The following PCDHA6 variants were observed in gnomAD, a reference collection of about 807,000 sequenced individuals.
The protein encoded by PCDHA6 is protocadherin alpha 6, also known as protocadherin alpha-6.
PCDHA6 carries 55 observed loss-of-function variants against 60.3 expected under a neutral mutation model. The ratio of observed to expected loss-of-function variants is 0.91; its 90% confidence interval spans 0.73 to 1.14. PCDHA6 has a LOEUF of 1.14. Among genes scored for constraint, PCDHA6 ranks in the 50% most tolerant of loss-of-function variants. The pLI, the probability that PCDHA6 is intolerant of heterozygous loss-of-function variation, is 0.00. For missense variants in PCDHA6, 1,327 were observed against 1,256.5 expected (o/e 1.06, Z -0.85); for synonymous variants, 652 against 557.9 (o/e 1.17, Z -2.38).
chr5:140,956,885 T>A (rs1156888418), intron 1 of PCDHA6, among the ~76,000 whole-genome samples: 1 of 152,194 alleles, frequency 6.6e-6, no homozygotes, highest in Non-Finnish European at 1.5e-5. Flanking sequence ...TAGATATCAA[T>A]GAATGAATAT....
intron 3 of PCDHA6, among the ~76,000 whole-genome samples, chr5:140,994,520 T>C (rs2097631658): frequency 6.8e-6 from 1 of 147,840 alleles, no homozygotes; most frequent in African/African-American, 2.6e-5. Context: ...CTGGGCAACA[T>C]GGCAAAACCC....
chr5:140,994,358 G>A (rs2097616894), intron 3 of PCDHA6, among the ~76,000 whole-genome samples: 1 of 152,162 alleles, frequency 6.6e-6, no homozygotes, highest in Admixed American at 6.5e-5. Flanking sequence ...GACCTCAGAA[G>A]ATGGAATTGG....
At chr5:140,833,313 C>T (rs1412799485) in intron 1 of PCDHA6, among the ~76,000 whole-genome samples, 1 of 152,176 alleles carries the variant, frequency 6.6e-6, no homozygotes, top group Non-Finnish European at 1.5e-5. Context: ...AATTATTTTA[C>T]ATGCCATTGG....
At chr5:141,001,872 CAAG>C (rs1329160545) in intron 3 of PCDHA6, among the ~76,000 whole-genome samples, 1 of 152,126 alleles carries the variant, frequency 6.6e-6, no homozygotes, top group African/African-American at 2.4e-5. Flanking sequence ...TGCCCAAAAC[CAAG>C]AAGGAGCAAA....
Position 140,828,815 on chromosome 5 carries a change from T to C in PCDHA6, c.724T>C (p.Phe242Leu), listed in dbSNP as rs2150159326. The C allele has an allele frequency of 6.2e-7, 1 of 1,614,204 alleles. No homozygotes were observed. Among genetic ancestry groups the C allele is most frequent in the South Asian group, 1.1e-5 (1 of 91,086 alleles). ...GGATGTGAATGATAATGCTCCCACT[T>C]TCGAACAGTCTGAATACGAAGTAAG... Reference protein sequence around the residue: ...VLDVNDNAPTFEQSEYEVRIF... With the variant: ...VLDVNDNAPTLEQSEYEVRIF... Residue 242 changes from phenylalanine (F) to leucine (L), a missense_variant, in exon 1 of 4, where the codon TTC (phenylalanine) becomes CTC (leucine). Transcript: ENST00000529310.
intron 3 of PCDHA6, among the ~76,000 whole-genome samples, chr5:141,000,961 C>A (rs1207814885): frequency 6.6e-6 from 1 of 151,948 alleles, no homozygotes; most frequent in Non-Finnish European, 1.5e-5. Flanking sequence ...GTAATTTAAG[C>A]CTTCATATTC....
intron 3 of PCDHA6, among the ~76,000 whole-genome samples, chr5:140,990,473 C>G (rs1268910696): frequency 6.6e-6 from 1 of 152,186 alleles, no homozygotes; most frequent in Non-Finnish European, 1.5e-5. Flanking sequence ...TATCATGTAT[C>G]AAGCTGAATA....
chr5:140,846,051 C>T lies in PCDHA6; in HGVS notation c.2394+15566C>T, dbSNP rs2150384133. Among the ~76,000 whole-genome samples the T allele has an allele frequency of 2.0e-5, 3 of 149,742 alleles. No individual in the cohort carries two copies. In the South Asian group the frequency reaches 6.3e-4, roughly 32 times the overall value. ...TTTAGGAAAGTCAAGTTAACACCAC[C>T]TATGTGGGAAAACAGTTTTTTGGAA... On this transcript the variant is annotated intron_variant, in intron 1 of 3. Coordinates refer to ENST00000529310, the MANE Select transcript of PCDHA6 (RefSeq NM_018909.4).
Position 140,857,604 on chromosome 5 carries a change from T to C in PCDHA6, c.2394+27119T>C, listed in dbSNP as rs1294714828. On this transcript the variant is annotated intron_variant, in intron 1 of 3. Transcript: ENST00000529310. ...GCGGAGAGCGGCAAGGTGTACGCGC[T>C]GCAGCCGCTGGACCACGAGGAGCTG... 5.0e-6 allele frequency: 8 copies of C among 1,596,244 alleles called. 1 individual carries two copies. Among genetic ancestry groups the C allele is most frequent in the Non-Finnish European group, 6.9e-6 (8 of 1,167,658 alleles).
At chr5:140,884,037 T>C (rs1260114488) in intron 1 of PCDHA6, 1 of 1,613,346 alleles carries the variant, frequency 6.2e-7, no homozygotes, top group Non-Finnish European at 8.5e-7. Flanking sequence ...GCAGGCCACG[T>C]GGTGGCGAAG....
intron 1 of PCDHA6, among the ~76,000 whole-genome samples, chr5:140,892,996 G>A (rs1014134688): frequency 2.0e-5 from 3 of 152,162 alleles, no homozygotes; most frequent in Admixed American, 1.3e-4. Flanking sequence ...GTGAGAACAT[G>A]TATTTATTTT....
At chr5:140,848,525 G>A (rs1243766523) in intron 1 of PCDHA6, 1 of 1,594,042 alleles carries the variant, frequency 6.3e-7, no homozygotes, top group Non-Finnish European at 8.6e-7. Context: ...GAGATCCAGA[G>A]GGTCAGCCTC....
chr5:140,836,651 G>A (rs1774653437), intron 1 of PCDHA6: 1 of 1,613,546 alleles, frequency 6.2e-7, no homozygotes, highest in East Asian at 2.2e-5. Flanking sequence ...AGAGGCGGCA[G>A]AGGGTGTGCT....
At chr5:140,964,609 T>A (rs2095843840) in intron 1 of PCDHA6, among the ~76,000 whole-genome samples, 1 of 152,062 alleles carries the variant, frequency 6.6e-6, no homozygotes, top group Non-Finnish European at 1.5e-5. Context: ...AACTTACAAC[T>A]TGATTCCACT....
In PCDHA6 at chr5:140,870,432, G is replaced by A. The variant is rs368823990; in HGVS notation, c.2394+39947G>A. On this transcript the variant is annotated intron_variant, in intron 1 of 3. Transcript: ENST00000529310. ...GGGCCACGGCCAGGGTATCCGTGGAGGTGGCCGACGTGAACGACAATGCGC... is the reference window on the plus strand; with the variant it reads ...GGGCCACGGCCAGGGTATCCGTGGAAGTGGCCGACGTGAACGACAATGCGC... 721 of 1,614,252 alleles carry A rather than the reference G, an allele frequency of 4.5e-4. 4 individuals carry two copies. In the African/African-American group the frequency reaches 8.4e-3, roughly 19 times the overall value.
At chr5:140,889,176 A>T (rs2062131208) in intron 1 of PCDHA6, among the ~76,000 whole-genome samples, 1 of 151,738 alleles carries the variant, frequency 6.6e-6, no homozygotes, top group South Asian at 2.1e-4. Context: ...CAAGTTATAA[A>T]TAAGAATCTA....
At chr5:140,834,585 T>C in intron 1 of PCDHA6, 1 of 1,614,126 alleles carries the variant, frequency 6.2e-7, no homozygotes, top group South Asian at 1.1e-5. Context: ...CCGGGCGGTG[T>C]GCAAATTCCG....
intron 1 of PCDHA6, among the ~76,000 whole-genome samples, chr5:140,871,818 A>G (rs2053326422): frequency 6.6e-6 from 1 of 152,250 alleles, no homozygotes; most frequent in South Asian, 2.1e-4. Flanking sequence ...TAAAGTACCC[A>G]TGCCCCTTCA....
At chr5:140,917,318 A>G (rs961734758) in intron 1 of PCDHA6, among the ~76,000 whole-genome samples, 1 of 99,850 alleles carries the variant, frequency 1.0e-5, no homozygotes, top group South Asian at 3.3e-4. Context: ...TTTGGTGTTC[A>G]TGTGGCGGGG....
Sources: allele counts gnomAD v4.1 joint callset (sites outside exome capture counted in the v4.1 genomes callset), GRCh38; gene constraint gnomAD v4.1.1; transcripts MANE v1.5; gene names NCBI Gene and HGNC (gene_info 2026-07-23, HGNC 2026-07-21).